GAS2: variants seen among roughly 807,000 people sequenced by gnomAD.
The protein encoded by GAS2 is growth arrest specific 2, also known as growth arrest-specific protein 2.
Under a neutral mutation model 37.5 loss-of-function variants are expected in GAS2, and 20 were observed. The ratio of observed to expected loss-of-function variants is 0.53; its 90% CI spans 0.37 to 0.77. The LOEUF (loss-of-function observed/expected upper bound fraction) is 0.77. Ranked by LOEUF, GAS2 falls within the 30% of genes least tolerant of loss-of-function variation. The probability of loss-of-function intolerance (pLI) is 0.00; values close to 1 mark genes in which losing one functional copy is unlikely to be tolerated. For missense variants in GAS2, 336 were observed against 373.4 expected (o/e 0.90, Z 0.82); for synonymous variants, 144 against 132.2 (o/e 1.09, Z -0.61).
intron 7 of GAS2, among the ~76,000 whole-genome samples, chr11:22,786,392 T>A (rs79207448): frequency 6.6e-6 from 1 of 152,270 alleles, no homozygotes; most frequent in East Asian, 1.9e-4. Context: ...CATATCTCAT[T>A]ACCTAACAAG....
chr11:22,696,572 G>A (rs1467327915), intron 3 of GAS2, among the ~76,000 whole-genome samples: 1 of 151,938 alleles, frequency 6.6e-6, no homozygotes, highest in African/African-American at 2.4e-5. Flanking sequence ...GTGTAAAAGT[G>A]TTCCTACTTC....
chr11:22,667,874 G>A (rs907583879), intron 1 of GAS2, among the ~76,000 whole-genome samples: 1 of 151,982 alleles, frequency 6.6e-6, no homozygotes, highest in Admixed American at 6.6e-5. Context: ...TCTCACCTCC[G>A]TGATCTTCTT....
intron 7 of GAS2, among the ~76,000 whole-genome samples, chr11:22,785,422 A>G (rs1014731669): frequency 6.6e-6 from 1 of 152,144 alleles, no homozygotes; most frequent in African/African-American, 2.4e-5. Context: ...TTCTTACTGT[A>G]TCAGAGCTGT....
intron 1 of GAS2, among the ~76,000 whole-genome samples, chr11:22,631,017 T>G (rs1209736529): frequency 1.3e-5 from 2 of 152,216 alleles, no homozygotes; most frequent in African/African-American, 4.8e-5. Context: ...CTATGATATC[T>G]TTCAGCAGTG....
At chr11:22,781,631 T>G (rs1479884079) in intron 7 of GAS2, among the ~76,000 whole-genome samples, 1 of 152,224 alleles carries the variant, frequency 6.6e-6, no homozygotes, top group East Asian at 1.9e-4. Context: ...CTGGGAACCT[T>G]GATTGAAAGA....
chr11:22,678,588 TG>T (rs1477164407), intron 2 of GAS2, among the ~76,000 whole-genome samples: 1 of 127,610 alleles, frequency 7.8e-6, no homozygotes, highest in Non-Finnish European at 1.6e-5. Context: ...TAGGATTTGC[TG>T]TTGTGCAAAT....
At chr11:22,809,558 G>C (rs765023308) in intron 7 of GAS2, among the ~76,000 whole-genome samples, 81 of 151,928 alleles carry the variant, frequency 5.3e-4, no homozygotes, top group Admixed American at 3.5e-3. Context: ...CACGATCTCA[G>C]CTCACTGCCA....
chr11:22,678,456 A>G (rs1849537329), intron 2 of GAS2, among the ~76,000 whole-genome samples: 1 of 152,050 alleles, frequency 6.6e-6, no homozygotes, highest in Non-Finnish European at 1.5e-5. Flanking sequence ...TATCTACTTG[A>G]AAGAGATAAA....
upstream of GAS2, among the ~76,000 whole-genome samples, chr11:22,661,898 C>T (rs1045386481): frequency 2.0e-5 from 3 of 152,094 alleles, no homozygotes; most frequent in African/African-American, 7.2e-5. Flanking sequence ...AATTTAGCAG[C>T]TCTCTAATAG....
At chr11:22,714,413 A>G (rs1851562256) in intron 3 of GAS2, among the ~76,000 whole-genome samples, 2 of 152,182 alleles carry the variant, frequency 1.3e-5, no homozygotes, top group Non-Finnish European at 2.9e-5. Context: ...GATAGGTGAC[A>G]GCATAGTAAT....
intron 1 of GAS2, among the ~76,000 whole-genome samples, chr11:22,628,934 T>C (rs572732205): frequency 6.6e-6 from 1 of 152,310 alleles, no homozygotes; most frequent in African/African-American, 2.4e-5. Context: ...TGGCCTCCAG[T>C]TCCACCCAAG....
intron 7 of GAS2, among the ~76,000 whole-genome samples, chr11:22,792,724 T>TA (rs1249315790): frequency 6.6e-6 from 1 of 152,226 alleles, no homozygotes; most frequent in Non-Finnish European, 1.5e-5. Context: ...TAGGCTCATT[T>TA]ATGAGTCAGC....
At chr11:22,780,698 C>G (rs1337310848) in intron 7 of GAS2, among the ~76,000 whole-genome samples, 19 of 151,930 alleles carry the variant, frequency 1.3e-4, no homozygotes, top group Admixed American at 1.1e-3. Flanking sequence ...TCCTTGAAGT[C>G]CCCACAGACT....
At position 22,780,580 on chromosome 11, in the gene GAS2, T is replaced by A. The variant is rs572168351; in HGVS notation, c.723+24627T>A. Among the ~76,000 whole-genome samples, 721 of 134,774 alleles carry A rather than the reference T, an allele frequency of 5.3e-3. 6 individuals are homozygous for A. The highest frequency in any genetic ancestry group is 0.019 in the African/African-American group (678 of 35,422). 88.4% of individuals were successfully genotyped at this position (134,774 alleles called of 152,430 possible). ...CTCAAAAAAAAAAAAAAAAAAAGATTGTAAGATTTTTCTATTAGTAGCAGA... is the reference window on the plus strand; with the variant it reads ...CTCAAAAAAAAAAAAAAAAAAAGATAGTAAGATTTTTCTATTAGTAGCAGA... On this transcript the variant is annotated intron_variant, in intron 7 of 7. Coordinates refer to ENST00000454584, the MANE Select transcript of GAS2 (RefSeq NM_001143830.3).
At chr11:22,704,456 A>T (rs11026743) in intron 3 of GAS2, among the ~76,000 whole-genome samples, 5,306 of 151,196 alleles carry the variant, frequency 0.035, 294 homozygotes, top group African/African-American at 0.12. Flanking sequence ...GTGTTTCCAG[A>T]TACCAGGATC....
intron 3 of GAS2, among the ~76,000 whole-genome samples, chr11:22,696,244 C>T (rs1475582528): frequency 6.6e-6 from 1 of 151,612 alleles, no homozygotes; most frequent in African/African-American, 2.4e-5. Flanking sequence ...TTTCCAATTT[C>T]ATCCATGTCG....
At chr11:22,754,228 G>A (rs1156480061) in intron 6 of GAS2, among the ~76,000 whole-genome samples, 1 of 151,918 alleles carries the variant, frequency 6.6e-6, no homozygotes, top group Non-Finnish European at 1.5e-5. Context: ...ATAGATTCAT[G>A]TTCTTATATA....
At chr11:22,755,472 T>G (rs986986972) in intron 6 of GAS2, among the ~76,000 whole-genome samples, 1 of 152,138 alleles carries the variant, frequency 6.6e-6, no homozygotes, top group Non-Finnish European at 1.5e-5. Flanking sequence ...GTTAACATAC[T>G]TTCTATTCTG....
intron 1 of GAS2, among the ~76,000 whole-genome samples, chr11:22,627,752 G>C (rs1858683856): frequency 6.7e-6 from 1 of 149,836 alleles, no homozygotes. Flanking sequence ...TCCTGCCTGG[G>C]TGACACAGCA....
Sources: allele counts gnomAD v4.1 joint callset (sites outside exome capture counted in the v4.1 genomes callset), GRCh38; gene constraint gnomAD v4.1.1; transcripts MANE v1.5; gene names NCBI Gene and HGNC (gene_info 2026-07-23, HGNC 2026-07-21).